The following ITSN2 variants were observed in gnomAD, a reference collection of about 807,000 sequenced individuals.
ITSN2 encodes intersectin-2.
In ITSN2, 156 loss-of-function variants were observed where a neutral mutation model predicts 243.7. That is an observed-to-expected ratio of 0.64 (90% CI 0.56 to 0.73). The LOEUF (loss-of-function observed/expected upper bound fraction) is 0.73. ITSN2 is among the 30% of genes least tolerant of loss of function. ITSN2 has a pLI of 0.00. For missense variants in ITSN2, 1,801 were observed against 1,996.1 expected (o/e 0.90, Z 1.86); for synonymous variants, 703 against 699.9 (o/e 1.00, Z -0.07).
At position 24,299,935 on chromosome 2, in the gene ITSN2, T is replaced by A. The variant is rs1344625260; in HGVS notation, c.1318A>T (p.Arg440Trp). ...TCTCGTCTTTCTATGTCTTTTCTCC[T>A]TTCTTCCTCTCGTTGTCTCTCCAAT... ...RELERQREEE[R>W]RKDIERREAA... is the part of the protein sequence containing the mutation. The change falls in exon 12 of 40, where the codon AGG (arginine) becomes TGG (tryptophan). Residue 440 changes from arginine to tryptophan, a missense_variant. Physicochemically the swap from Arg to Trp is moderately radical, Grantham distance 101. Transcript: ENST00000355123. The A allele has an allele frequency of 7.4e-6, 12 of 1,611,090 alleles. No individual in the cohort carries two copies. The highest frequency in any genetic ancestry group is 9.3e-6 in the Non-Finnish European group (11 of 1,179,268).
At chr2:24,330,623 T>A (rs1685673219) in intron 1 of ITSN2, 3 of 767,432 alleles carry the variant, frequency 3.9e-6, no homozygotes, top group Non-Finnish European at 7.0e-6. Flanking sequence ...AAAATGGAGA[T>A]GCTAAAACAG....
In ITSN2 at chr2:24,284,492, T is replaced by C. The variant is rs138766498; in HGVS notation, c.1944+271A>G. On this transcript the variant is annotated intron_variant, in intron 17 of 39. Coordinates refer to ENST00000355123, the MANE Select transcript of ITSN2 (RefSeq NM_006277.3). ...TTATCAGTTAACCCACTCCCAGGGA[T>C]GTTGTAAAGGAACCAGGTTATATTT... is the stretch of plus-strand genomic sequence containing the variant. Among the ~76,000 whole-genome samples the C allele has an allele frequency of 5.5e-3, 833 of 152,308 alleles. 10 individuals carry two copies. Among genetic ancestry groups the C allele is most frequent in the African/African-American group, 0.019 (783 of 41,564 alleles).
At chr2:24,310,224 T>C (rs942503113) in intron 7 of ITSN2, 60 bp downstream of exon 7, 2 of 1,093,600 alleles carry the variant, frequency 1.8e-6, no homozygotes, top group African/African-American at 1.6e-5. Context: ...AAAAAATCAT[T>C]TGTTAAATAA....
intron 17 of ITSN2, among the ~76,000 whole-genome samples, chr2:24,284,524 G>A (rs1679218421): frequency 6.6e-6 from 1 of 152,130 alleles, no homozygotes; most frequent in Admixed American, 6.5e-5. Context: ...ATTTCTAAGT[G>A]TCCTGGACTT....
intron 15 of ITSN2, among the ~76,000 whole-genome samples, chr2:24,291,583 A>G (rs1314923013): frequency 1.4e-5 from 2 of 145,930 alleles, no homozygotes; most frequent in East Asian, 4.0e-4. Flanking sequence ...TCTGCCTCCC[A>G]GGTTCAAGTG....
At chr2:24,295,867 G>T (rs1470312712) in intron 13 of ITSN2, 63 bp from the exon 14 acceptor site, 10 of 1,181,882 alleles carry the variant, frequency 8.5e-6, no homozygotes, top group Non-Finnish European at 1.0e-5. Flanking sequence ...TTTCTACAAG[G>T]AGAATAATAT....
intron 29 of ITSN2, among the ~76,000 whole-genome samples, chr2:24,244,477 T>C (rs1051537713): frequency 6.6e-6 from 1 of 152,166 alleles, no homozygotes; most frequent in African/African-American, 2.4e-5. Flanking sequence ...CACAACAACA[T>C]ATTCAGAAAA....
intron 13 of ITSN2, among the ~76,000 whole-genome samples, chr2:24,296,852 A>G (rs1259451909): frequency 6.6e-6 from 1 of 152,178 alleles, no homozygotes; most frequent in Non-Finnish European, 1.5e-5. Context: ...AAATACATAC[A>G]CTGAAAGGAA....
In ITSN2 at chr2:24,226,000, G is replaced by T. The variant is rs967742652; in HGVS notation, c.3578-4934C>A. Among the ~76,000 whole-genome samples, 3 of 152,148 alleles carry T rather than the reference G, an allele frequency of 2.0e-5. No individual in the cohort carries two copies. Among genetic ancestry groups the T allele is most frequent in the African/African-American group, 7.2e-5 (3 of 41,412 alleles). The stretch of plus-strand genomic sequence containing the variant: ...GCTGAACACATGCAGTGTTTCCATG[G>T]TACTGGTTTGTATCTGTCTTTTAAC... On this transcript the variant is annotated intron_variant, in intron 29 of 39. Transcript: ENST00000355123. This position sits in a 1 kb window ranked among gnomAD's most constrained non-coding sequence, Gnocchi z 4.2.
intron 27 of ITSN2, among the ~76,000 whole-genome samples, chr2:24,248,071 G>C (rs1429754651): frequency 2.0e-5 from 3 of 151,642 alleles, no homozygotes; most frequent in African/African-American, 4.8e-5. Context: ...ATGCTTTTTA[G>C]TTTTAACTAG....
chr2:24,351,777 T>C (rs1464981236), intron 1 of ITSN2, among the ~76,000 whole-genome samples: 2 of 152,182 alleles, frequency 1.3e-5, no homozygotes, highest in Non-Finnish European at 2.9e-5. Flanking sequence ...CTGTCTCAGT[T>C]ATCAGACCGA....
At chr2:24,252,633 A>C (rs1447084106) in intron 24 of ITSN2, 122 bp from the exon 25 acceptor site, 1 of 513,318 alleles carries the variant, frequency 1.9e-6, no homozygotes, top group Non-Finnish European at 3.2e-6. Flanking sequence ...TGCCTTCAGG[A>C]AACCTAACAT....
chr2:24,269,124 G>A (rs1677040811), intron 20 of ITSN2, among the ~76,000 whole-genome samples: 1 of 149,442 alleles, frequency 6.7e-6, no homozygotes, highest in African/African-American at 2.5e-5. Context: ...AATTCCTTCA[G>A]TGTCCATGTT....
chr2:24,333,209 A>G (rs1481823581), intron 1 of ITSN2, among the ~76,000 whole-genome samples: 1 of 152,184 alleles, frequency 6.6e-6, no homozygotes, highest in African/African-American at 2.4e-5. Context: ...TTAAATGGAG[A>G]TAATGCGTCA....
At chr2:24,361,283 C>T (rs1009693148), upstream of ITSN2, among the ~76,000 whole-genome samples, 1 of 152,162 alleles carries the variant, frequency 6.6e-6, no homozygotes, top group African/African-American at 2.4e-5. Context: ...TGTCTCTTTT[C>T]TCCCCTCCCG....
chr2:24,317,404 G>C (rs1684068002), intron 2 of ITSN2, among the ~76,000 whole-genome samples: 1 of 150,556 alleles, frequency 6.6e-6, no homozygotes, highest in South Asian at 2.1e-4. Context: ...AAAAAAAGCG[G>C]CAACTATCCC....
At chr2:24,327,954 T>A (rs984891936) in intron 2 of ITSN2, 98 bp downstream of exon 2, 12 of 1,108,508 alleles carry the variant, frequency 1.1e-5, no homozygotes, top group Non-Finnish European at 1.6e-5. Context: ...TTTGTATTTA[T>A]ACACTTAAGG....
chr2:24,279,647 A>G (rs551797261), intron 17 of ITSN2, among the ~76,000 whole-genome samples: 1 of 151,984 alleles, frequency 6.6e-6, no homozygotes, highest in South Asian at 2.1e-4. Context: ...AGTGGCATGG[A>G]TAAGACTAGA....
At chr2:24,267,254 G>A (rs1676767592) in intron 20 of ITSN2, among the ~76,000 whole-genome samples, 1 of 152,004 alleles carries the variant, frequency 6.6e-6, no homozygotes, top group Admixed American at 6.6e-5. Context: ...GGGACTAGGG[G>A]AGGAAAGCAT....
Sources: gnomAD v4.1 joint callset for allele counts (sites outside exome capture counted in the v4.1 genomes callset) on GRCh38, gnomAD v4.1.1 for gene constraint, Gnocchi (gnomAD v3.1) non-coding constraint, MANE v1.5 for transcripts, NCBI Gene and HGNC (gene_info 2026-07-23, HGNC 2026-07-21) for gene names.